Variants in TAF1L observed in about 807,000 individuals in gnomAD.
The protein encoded by TAF1L is transcription initiation factor TFIID subunit 1-like.
A neutral mutation model predicts 128.8 loss-of-function variants in TAF1L; 30 were observed. The ratio of observed to expected loss-of-function variants is 0.23; its 90% CI spans 0.17 to 0.32. The LOEUF is 0.32. TAF1L is among the 10% of genes least tolerant of loss of function. The pLI is 1.00. For missense variants in TAF1L, 2,099 were observed against 2,253.7 expected, an observed-to-expected ratio of 0.93 and a Z score of 1.39; for synonymous variants, 764 against 790.7, an observed-to-expected ratio of 0.97 and a Z score of 0.57.
In TAF1L at chr9:32,630,873, T is replaced by C. The variant is rs1171262145; in HGVS notation, c.4707A>G (p.Leu1569=). 6.2e-7 allele frequency: 1 copy of C among 1,614,070 alleles called. No homozygotes were observed. The highest frequency in any genetic ancestry group is 1.3e-5 in the African/African-American group (1 of 74,926). ...YYKMIVNPVD[L]ETIRKNISKH... ...TGGAGATGTTCTTACGTATGGTCTC[T>C]AAATCCACTGGATTGACAATCATTT... is the stretch of plus-strand genomic sequence containing the variant. Residue 1569 remains leucine (L), a synonymous_variant, in exon 1 of 1, where the codon TTA becomes TTG. Coordinates refer to ENST00000242310, the MANE Select transcript of TAF1L (RefSeq NM_153809.2).
Position 32,634,115 on chromosome 9 carries a change from T to G in TAF1L, c.1465A>C (p.Ile489Leu), listed in dbSNP as rs574024094. 13 of 1,614,152 alleles carry G rather than the reference T, an allele frequency of 8.1e-6. No individual in the cohort carries two copies. The Admixed American group carries it at 2.0e-4, about 25-fold the overall frequency. ...DDKPWYSIFP[I>L]DNEDLVYGRW... ...CCATACACCAGATCCTCATTGTCAA[T>G]GGGAAAAATGGAGTACCAAGGTTTG... Residue 489 changes from isoleucine to leucine, a missense_variant, in exon 1 of 1, where the codon ATT becomes CTT. Ile to Leu is a conservative substitution (Grantham distance 5, BLOSUM62 2). Coordinates refer to ENST00000242310, the MANE Select transcript of TAF1L (RefSeq NM_153809.2).
In TAF1L at chr9:32,633,192, C is replaced by A; in HGVS notation, c.2388G>T (p.Val796=). Residue 796 remains valine, a synonymous_variant, in exon 1 of 1, where the codon GTG becomes GTT. Coordinates refer to ENST00000242310, the MANE Select transcript of TAF1L (RefSeq NM_153809.2). ...TRQGYYIREL[V]DIFVVGQQCP... ...ACTGCTGGCCAACCACAAAAATATCCACTAATTCCCGAATATAGTAACCCT... is the reference window on the plus strand; with the variant it reads ...ACTGCTGGCCAACCACAAAAATATCAACTAATTCCCGAATATAGTAACCCT... 6.2e-7 allele frequency: 1 copy of A among 1,614,146 alleles called. No individual in the cohort carries two copies. The highest frequency in any genetic ancestry group is 8.5e-7 in the Non-Finnish European group (1 of 1,180,030).
Position 32,630,361 on chromosome 9 carries a change from C to A in TAF1L, c.5219G>T (p.Gly1740Val). The change falls in exon 1 of 1, where the codon GGA (glycine) becomes GTA (valine). Residue 1740 changes from glycine to valine, a missense_variant. Gly to Val is a moderately radical substitution (Grantham distance 109). Around this residue, in one of 4 missense-constraint regions of TAF1L, gnomAD observed 404 missense variants for 406.5 expected, o/e 0.99. Coordinates refer to ENST00000242310, the MANE Select transcript of TAF1L (RefSeq NM_153809.2). ...GKPKPPAPEG[G>V]DGDLADEEEG... ...CTCTTCATCTGCAAGATCACCATCT[C>A]CCCCTTCTGGGGCTGGAGGCTTAGG... is the stretch of plus-strand genomic sequence containing the variant. 1 of 1,614,224 alleles carries A rather than the reference C, an allele frequency of 6.2e-7. No homozygotes were observed. The highest frequency in any genetic ancestry group is 1.3e-5 in the African/African-American group (1 of 75,048).
Position 32,631,484 on chromosome 9 carries a change from T to G in TAF1L, c.4096A>C (p.Lys1366Gln). ...TTCTTCTTTGGAGGAAGCTGCTGTT[T>G]AGGAAACTTGAGAACCAGAGATTTT... ...RRKSLVLKFP[K>Q]QQLPPKKKRR... The change falls in exon 1 of 1, where the codon AAA (lysine) becomes CAA (glutamine). Residue 1366 changes from lysine (K) to glutamine (Q), a missense_variant. Lys to Gln is a moderately conservative substitution (Grantham distance 53, BLOSUM62 1). Coordinates refer to ENST00000242310, the MANE Select transcript of TAF1L (RefSeq NM_153809.2). This position sits in a 1 kb window ranked among gnomAD's most constrained non-coding sequence, Gnocchi z 4.1. 1 of 1,614,226 alleles carries G rather than the reference T, an allele frequency of 6.2e-7. No individual in the cohort carries two copies. Among genetic ancestry groups the G allele is most frequent in the East Asian group, 2.2e-5 (1 of 44,894 alleles).
Position 32,630,036 on chromosome 9 carries a change from T to C in TAF1L, c.*63A>G, listed in dbSNP as rs944831600. On this transcript the variant is annotated 3_prime_UTR_variant, in exon 1 of 1. Coordinates refer to ENST00000242310, the MANE Select transcript of TAF1L (RefSeq NM_153809.2). ...CTCCTCACAGCTCCCATAACTGATG[T>C]TGCTATCCTCCAAATCATGGGAAGC... The C allele has an allele frequency of 3.7e-5, 59 of 1,601,842 alleles. No individual in the cohort carries two copies. In the South Asian group the frequency reaches 4.2e-4, roughly 11 times the overall value.
In TAF1L at chr9:32,632,320, C is replaced by T. The variant is rs765262833; in HGVS notation, c.3260G>A (p.Arg1087His). 1.7e-5 allele frequency: 27 copies of T among 1,614,062 alleles called. No homozygotes were observed. The highest frequency in any genetic ancestry group is 2.2e-5 in the South Asian group (2 of 91,084). ...AACCTTGTTCTGTAGGTCAAAGATA[C>T]GCTGACATTCCTCTTTGTAACGCTC... is the stretch of plus-strand genomic sequence containing the variant. ...HQERYKEECQ[R>H]IFDLQNKVLS... Residue 1087 changes from arginine to histidine, a missense_variant, in exon 1 of 1, where the codon CGT (arginine) becomes CAT (histidine). Transcript: ENST00000242310. The surrounding 1 kb of genome is among the most constrained non-coding windows in gnomAD (Gnocchi z 4.4).
At position 32,631,375 on chromosome 9, in the gene TAF1L, A is replaced by G. The variant is rs779205538; in HGVS notation, c.4205T>C (p.Val1402Ala). Reference protein sequence around the residue: ...SIHRRRTDPMVTLSSILESII... With the variant: ...SIHRRRTDPMATLSSILESII... ...AGACTCCAGGATGGATGACAGCGTCACCATAGGGTCTGTGCGGCGTCGGTG... is the reference window on the plus strand; with the variant it reads ...AGACTCCAGGATGGATGACAGCGTCGCCATAGGGTCTGTGCGGCGTCGGTG... The change falls in exon 1 of 1, where the codon GTG (valine) becomes GCG (alanine). Residue 1402 changes from valine to alanine, a missense_variant. Val to Ala is a moderately conservative substitution (Grantham distance 64). Coordinates refer to ENST00000242310, the MANE Select transcript of TAF1L (RefSeq NM_153809.2). This position sits in a 1 kb window ranked among gnomAD's most constrained non-coding sequence, Gnocchi z 4.1. 1 of 1,614,070 alleles carries G rather than the reference A, an allele frequency of 6.2e-7. No homozygotes were observed. Among genetic ancestry groups the G allele is most frequent in the African/African-American group, 1.3e-5 (1 of 74,922 alleles).
In TAF1L at chr9:32,630,581, C is replaced by A; in HGVS notation, c.4999G>T (p.Asp1667Tyr). The change falls in exon 1 of 1, where the codon GAT (aspartate) becomes TAT (tyrosine). Residue 1667 changes from aspartate to tyrosine, a missense_variant. By Grantham distance (160) the Asp-to-Tyr change is radical. Around this residue, in one of 4 missense-constraint regions of TAF1L, gnomAD observed 404 missense variants for 406.5 expected, o/e 0.99. Transcript: ENST00000242310. ...TPGPYTSQPPDMYDTNTSLST... is the reference protein window; with the variant it reads ...TPGPYTSQPPYMYDTNTSLST... Reference sequence around the variant, plus strand: ...AGGGATGTGTTGGTATCATACATATCAGGAGGCTGAGATGTGTAGGGCCCT... The same window carrying A: ...AGGGATGTGTTGGTATCATACATATAAGGAGGCTGAGATGTGTAGGGCCCT... The A allele has an allele frequency of 3.1e-6, 5 of 1,614,204 alleles. No homozygotes were observed. Among genetic ancestry groups the A allele is most frequent in the Non-Finnish European group, 4.2e-6 (5 of 1,180,048 alleles).
Position 32,634,840 on chromosome 9 carries a change from G to C in TAF1L, c.740C>G (p.Thr247Ser). 6.2e-7 allele frequency: 1 copy of C among 1,614,128 alleles called. No individual in the cohort carries two copies. The highest frequency in any genetic ancestry group is 8.5e-7 in the Non-Finnish European group (1 of 1,180,014). ...AGGTCGAAATTCTGGAAAAAGTTCG[G>C]TGACACTTGGCAACAGCTTGGTGGC... ...HDATKLLPSVTELFPEFRPGK... is the reference protein window; with the variant it reads ...HDATKLLPSVSELFPEFRPGK... The change falls in exon 1 of 1, where the codon ACC becomes AGC. Residue 247 changes from threonine to serine, a missense_variant. By Grantham distance (58) the Thr-to-Ser change is moderately conservative. This residue lies in a region of TAF1L where 473 missense variants were observed against 429.6 expected (regional missense o/e 1.10). Transcript: ENST00000242310.
In TAF1L at chr9:32,631,175, C is replaced by T; in HGVS notation, c.4405G>A (p.Glu1469Lys). Residue 1469 changes from glutamate (E) to lysine (K), a missense_variant, in exon 1 of 1, where the codon GAG (glutamate) becomes AAG (lysine). This residue lies in a region of TAF1L where 9 missense variants were observed against 26.3 expected (regional missense o/e 0.34). Transcript: ENST00000242310. The surrounding 1 kb of genome is among the most constrained non-coding windows in gnomAD (Gnocchi z 4.1). ...GTCGCACTGTTTTTCACAATTAGCT[C>T]CAGATGCTCTCTGAACTCTTCCCGA... ...PSREEFREHL[E>K]LIVKNSATYN... The T allele has an allele frequency of 1.2e-6, 2 of 1,614,176 alleles. No individual in the cohort carries two copies. The highest frequency in any genetic ancestry group is 1.7e-6 in the Non-Finnish European group (2 of 1,180,046).
chr9:32,633,996 G>C lies in TAF1L; in HGVS notation c.1584C>G (p.Leu528=), dbSNP rs780379457. Residue 528 remains leucine, a synonymous_variant, in exon 1 of 1, where the codon CTC becomes CTG. Transcript: ENST00000242310. ...CCTTCTCATCAGGAATTTCCAAAAT[G>C]AGGTTCTCATCATTGGGATCAAGTG... ...VLALDPNDEN[L]ILEIPDEKEE... is the part of the protein sequence containing the mutation. 6.2e-7 allele frequency: 1 copy of C among 1,614,154 alleles called. No homozygotes were observed. Among genetic ancestry groups the C allele is most frequent in the Non-Finnish European group, 8.5e-7 (1 of 1,180,032 alleles).
Position 32,634,691 on chromosome 9 carries a change from C to G in TAF1L, c.889G>C (p.Val297Leu), listed in dbSNP as rs751157813. The change falls in exon 1 of 1, where the codon GTG becomes CTG. Residue 297 changes from valine to leucine, a missense_variant. Around this residue, in one of 4 missense-constraint regions of TAF1L, gnomAD observed 473 missense variants for 429.6 expected, o/e 1.10. Transcript: ENST00000242310. ...ELIQEEQIQE[V>L]ECSVESEVSQ... Reference sequence around the variant, plus strand: ...ACTTCTGATTCTACTGAGCATTCCACCTCCTGGATCTGCTCTTCCTGTATC... The same window carrying G: ...ACTTCTGATTCTACTGAGCATTCCAGCTCCTGGATCTGCTCTTCCTGTATC... 5.0e-6 allele frequency: 8 copies of G among 1,614,048 alleles called. No individual in the cohort carries two copies. Among genetic ancestry groups the G allele is most frequent in the Non-Finnish European group, 6.8e-6 (8 of 1,180,042 alleles).
Position 32,629,919 on chromosome 9 carries a change from G to A in TAF1L, c.*180C>T. On this transcript the variant is annotated 3_prime_UTR_variant, in exon 1 of 1. Transcript: ENST00000242310. ...GATCCACCCGCCTCGGCCTCCCAGA[G>A]TGCTGAGATTACAGGTGTGAGCCAC... The A allele has an allele frequency of 2.4e-6, 3 of 1,245,746 alleles. No individual in the cohort carries two copies. The highest frequency in any genetic ancestry group is 3.3e-6 in the Non-Finnish European group (3 of 902,870). The allele number at this position is 1,245,746 out of a possible 1,614,324, so 77.2% of individuals were successfully genotyped here. A position where few individuals can be genotyped will look rare whatever the true frequency, so the allele number is the denominator to read the frequency against.
At position 32,635,119 on chromosome 9, in the gene TAF1L, A is replaced by C. The variant is rs774983981; in HGVS notation, c.461T>G (p.Leu154Trp). ...CGGGGGTGGAGGTGGAGGAGGCATC[A>C]ACTTGCAATCAATGTCTTCACAATC... is the stretch of plus-strand genomic sequence containing the variant. Reference protein sequence around the residue: ...DADCEDIDCKLMPPPPPPPGP... With the variant: ...DADCEDIDCKWMPPPPPPPGP... Residue 154 changes from leucine (L) to tryptophan (W), a missense_variant, in exon 1 of 1, where the codon TTG becomes TGG. Leu to Trp is a moderately conservative substitution (Grantham distance 61). Coordinates refer to ENST00000242310, the MANE Select transcript of TAF1L (RefSeq NM_153809.2). The C allele has an allele frequency of 6.2e-7, 1 of 1,614,138 alleles. No individual in the cohort carries two copies. Among genetic ancestry groups the C allele is most frequent in the Admixed American group, 1.7e-5 (1 of 60,008 alleles).
In TAF1L at chr9:32,631,326, A is replaced by G. The variant is rs369457440; in HGVS notation, c.4254T>C (p.Leu1418=). Residue 1418 remains leucine (L), a synonymous_variant, in exon 1 of 1, where the codon CTT becomes CTC. Transcript: ENST00000242310. This position sits in a 1 kb window ranked among gnomAD's most constrained non-coding sequence, Gnocchi z 4.1. ...GAGTGTGGAAAGGGTGTGTATTTGG[A>G]AGATCTCTCATGTCATTGATGATAG... The part of the protein sequence containing the change: ...LESIINDMRD[L]PNTHPFHTPV... 5.0e-5 allele frequency: 80 copies of G among 1,614,036 alleles called. No homozygotes were observed. Among genetic ancestry groups the G allele is most frequent in the Non-Finnish European group, 5.3e-5 (62 of 1,180,036 alleles).
rs1486623886 is a variant in TAF1L at position 32,630,007 on chromosome 9, C to T, written c.*92G>A. On this transcript the variant is annotated 3_prime_UTR_variant, in exon 1 of 1. Coordinates refer to ENST00000242310, the MANE Select transcript of TAF1L (RefSeq NM_153809.2). ...GTGTCTTGGGTGTTCAACTTGGGATCAGGCTCCTCACAGCTCCCATAACTG... is the reference window on the plus strand; with the variant it reads ...GTGTCTTGGGTGTTCAACTTGGGATTAGGCTCCTCACAGCTCCCATAACTG... The T allele has an allele frequency of 1.2e-5, 19 of 1,578,154 alleles. No homozygotes were observed. The East Asian group carries it at 2.0e-4, about 17-fold the overall frequency.
rs768264023 is a variant in TAF1L, at chr9:32,634,268, C to T, written c.1312G>A (p.Glu438Lys). 1.9e-6 allele frequency: 3 copies of T among 1,614,204 alleles called. No individual in the cohort carries two copies. Among genetic ancestry groups the T allele is most frequent in the Non-Finnish European group, 2.5e-6 (3 of 1,180,040 alleles). Reference sequence around the variant, plus strand: ...TTTGTCCCTTTGTGTTTGATATCCTCCCCATCCCAGATGATAGAATCCTCC... The same window carrying T: ...TTTGTCCCTTTGTGTTTGATATCCTTCCCATCCCAGATGATAGAATCCTCC... ...HWEDSIIWDG[E>K]DIKHKGTKPQ... is the part of the protein sequence containing the mutation. The change falls in exon 1 of 1, where the codon GAG (glutamate) becomes AAG (lysine). Residue 438 changes from glutamate (E) to lysine (K), a missense_variant. Glu to Lys is a moderately conservative substitution (Grantham distance 56, BLOSUM62 1). Around this residue, in one of 4 missense-constraint regions of TAF1L, gnomAD observed 1,213 missense variants for 1,391.4 expected, o/e 0.87. Coordinates refer to ENST00000242310, the MANE Select transcript of TAF1L (RefSeq NM_153809.2).
rs375510235 is a variant in TAF1L, at chr9:32,630,945, C to A, written c.4635G>T (p.Trp1545Cys). The A allele has an allele frequency of 1.2e-6, 2 of 1,614,054 alleles. No homozygotes were observed. Residue 1545 changes from tryptophan to cysteine, a missense_variant, in exon 1 of 1, where the codon TGG (tryptophan) becomes TGT (cysteine). By Grantham distance (215) the Trp-to-Cys change is radical. Around this residue, in one of 4 missense-constraint regions of TAF1L, gnomAD observed 404 missense variants for 406.5 expected, o/e 0.99. Coordinates refer to ENST00000242310, the MANE Select transcript of TAF1L (RefSeq NM_153809.2). ...TCTTATTAACTGGGTGATGAAATGG[C>A]CAAGAATCTGGAACTGCCATCATTT... The part of the protein sequence containing the change: ...TQKMMAVPDS[W>C]PFHHPVNKKF...
rs146968712 is a variant in TAF1L, at chr9:32,635,095, G to C, written c.485C>G (p.Pro162Arg). The change falls in exon 1 of 1, where the codon CCG becomes CGG. Residue 162 changes from proline (P) to arginine (R), a missense_variant. Around this residue, in one of 4 missense-constraint regions of TAF1L, gnomAD observed 473 missense variants for 429.6 expected, o/e 1.10. Transcript: ENST00000242310. ...CKLMPPPPPP[P>R]GPMKKDKDQD... ...GTCCTTATCCTTCTTCATTGGTCCC[G>C]GGGGTGGAGGTGGAGGAGGCATCAA... is the stretch of plus-strand genomic sequence containing the variant. The C allele has an allele frequency of 3.1e-6, 5 of 1,613,978 alleles. No individual in the cohort carries two copies. The highest frequency in any genetic ancestry group is 1.3e-5 in the African/African-American group (1 of 74,872).
Sources: allele counts gnomAD v4.1 joint callset, GRCh38; gene constraint gnomAD v4.1.1; regional missense constraint gnomAD v4.1.1; non-coding constraint Gnocchi (gnomAD v3.1); transcripts MANE v1.5; gene names NCBI Gene and HGNC (gene_info 2026-07-23, HGNC 2026-07-21).